Variants in LMAN1L observed in about 807,000 individuals in gnomAD.
LMAN1L encodes lectin, mannose binding 1 like.
In LMAN1L, 60 loss-of-function variants were observed where a neutral mutation model predicts 58.3. The ratio of observed to expected loss-of-function variants is 1.03; its 90% confidence interval spans 0.84 to 1.27. The LOEUF is 1.27. Among genes scored for constraint, LMAN1L ranks in the 50% most tolerant of loss-of-function variants. The pLI is 0.00. For missense variants in LMAN1L, 629 were observed against 674.0 expected (o/e 0.93, Z 0.74); for synonymous variants, 280 against 271.6 (o/e 1.03, Z -0.31).
At chr15:74,820,790 G>A in intron 8 of LMAN1L, 23 bp downstream of exon 8, 1 of 1,598,612 alleles carries the variant, frequency 6.3e-7, no homozygotes, top group Non-Finnish European at 8.5e-7. Flanking sequence ...AGAGCGGGCA[G>A]GTGGCGCCCA....
intron 1 of LMAN1L, among the ~76,000 whole-genome samples, chr15:74,815,093 C>T (rs2063884626): frequency 6.6e-6 from 1 of 152,218 alleles, no homozygotes; most frequent in South Asian, 2.1e-4. Context: ...TTCCTCTGTG[C>T]CCAGCCCAGA....
chr15:74,816,587 C>G (rs200794545), intron 3 of LMAN1L, 45 bp from the exon 4 acceptor site: 19 of 1,598,582 alleles, frequency 1.2e-5, no homozygotes, highest in South Asian at 5.6e-5. Context: ...CACCCTCCCC[C>G]TCCCGCCATG....
At chr15:74,820,413 T>C in intron 7 of LMAN1L, 1 of 655,136 alleles carries the variant, frequency 1.5e-6, no homozygotes, top group Non-Finnish European at 2.6e-6. Context: ...CTGGAGGAGA[T>C]GAGCTTAAAG....
At chr15:74,813,505 T>A in intron 1 of LMAN1L, 1 of 456,442 alleles carries the variant, frequency 2.2e-6, no homozygotes, top group Non-Finnish European at 4.4e-6. Context: ...CCCTTCCCTG[T>A]ATGTGTGTTG....
chr15:74,823,381 T>A (rs986967284), intron 11 of LMAN1L, among the ~76,000 whole-genome samples, 178 bp from the exon 12 acceptor site: 6 of 151,864 alleles, frequency 4.0e-5, no homozygotes, highest in Non-Finnish European at 8.8e-5. Context: ...TGAGCTAAAG[T>A]CTCAGGATCT....
rs753358635 is a variant in LMAN1L, at chr15:74,821,103, G to A, written c.936G>A (p.Thr312=). 3.4e-5 allele frequency: 53 copies of A among 1,574,000 alleles called. No homozygotes were observed. Among genetic ancestry groups the A allele is most frequent in the South Asian group, 2.4e-4 (21 of 85,734 alleles). The change falls in exon 9 of 14, where the codon ACG becomes ACA. Residue 312 remains threonine (T), a synonymous_variant. Transcript: ENST00000309664. ...EGERLFDLEE[T]LGRHRRILQA... ...AAAGGCTCTTTGACCTGGAGGAGAC[G>A]CTGGGCAGACACCGCCGGATCCTGC...
rs780457754 is a variant in LMAN1L at position 74,823,653 on chromosome 15, C to G, written c.1294C>G (p.Leu432Val). The change falls in exon 12 of 14, where the codon CTC (leucine) becomes GTC (valine). Residue 432 changes from leucine (L) to valine (V), a missense_variant. Physicochemically the swap from Leu to Val is conservative, Grantham distance 32. Around this residue, in one of 3 missense-constraint regions of LMAN1L, gnomAD observed 573 missense variants for 597.3 expected, o/e 0.96. Transcript: ENST00000309664. ...CTTAGAGCTGGACCACATCCTGGGC[C>G]TCCTGCAGGAGGAGCTTCGGGGCCC... is the stretch of plus-strand genomic sequence containing the variant. ...HFLELDHILG[L>V]LQEELRGPAK... 1.2e-5 allele frequency: 19 copies of G among 1,613,802 alleles called. No individual in the cohort carries two copies. In the South Asian group the frequency reaches 2.0e-4, roughly 17 times the overall value.
intron 1 of LMAN1L, chr15:74,813,562 C>T: frequency 2.4e-6 from 1 of 424,408 alleles, no homozygotes; most frequent in South Asian, 1.7e-5. Context: ...GGTTTGTATT[C>T]AGGGACTTCC....
intron 11 of LMAN1L, among the ~76,000 whole-genome samples, chr15:74,823,327 G>A (rs1305175682): frequency 2.0e-5 from 3 of 152,164 alleles, no homozygotes; most frequent in Admixed American, 6.5e-5. Flanking sequence ...GGCAGAGCCG[G>A]GGAGCCTGGG....
intron 1 of LMAN1L, 79 bp downstream of exon 1, chr15:74,813,108 G>GTCTGTCACAGCCATCC: frequency 6.9e-7 from 1 of 1,452,190 alleles, no homozygotes; most frequent in South Asian, 1.3e-5. Flanking sequence ...TGGGGAGTGG[G>GTCTGTCACAGCCATCC]TCTGTCACAG....
At chr15:74,819,429 G>A in intron 6 of LMAN1L, 157 bp downstream of exon 6, 9 of 932,178 alleles carry the variant, frequency 9.7e-6, no homozygotes, top group Non-Finnish European at 1.4e-5. Context: ...CTTGAGACTT[G>A]CAAGTCTCAA....
intron 12 of LMAN1L, 81 bp downstream of exon 12, chr15:74,823,763 G>T: frequency 6.5e-7 from 1 of 1,531,462 alleles, no homozygotes; most frequent in Admixed American, 1.8e-5. Flanking sequence ...CACTTCAGCA[G>T]CCCCAAGCCC....
intron 1 of LMAN1L, 52 bp from the exon 2 acceptor site, chr15:74,816,105 G>T: frequency 1.3e-6 from 2 of 1,518,832 alleles, no homozygotes; most frequent in Non-Finnish European, 1.8e-6. Context: ...AGAGAGTGAA[G>T]GGGGAGATGG....
rs187839682 is a variant in LMAN1L at position 74,813,809 on chromosome 15, C to T, written c.175+780C>T. On this transcript the variant is annotated intron_variant, in intron 1 of 13. Transcript: ENST00000309664. ...GGCAAAGCAAAGACAGAAAGCAGATCGGCTGTGGATTTCTGTCTATAAAAT... is the reference window on the plus strand; with the variant it reads ...GGCAAAGCAAAGACAGAAAGCAGATTGGCTGTGGATTTCTGTCTATAAAAT... Among the ~76,000 whole-genome samples the T allele has an allele frequency of 8.5e-5, 13 of 152,136 alleles. No homozygotes were observed. In the East Asian group the frequency reaches 1.3e-3, roughly 16 times the overall value.
chr15:74,823,766 C>G, intron 12 of LMAN1L, 84 bp downstream of exon 12: 1 of 1,523,042 alleles, frequency 6.6e-7, no homozygotes, highest in Admixed American at 1.8e-5. Context: ...TTCAGCAGCC[C>G]CAAGCCCTCC....
At chr15:74,816,028 C>A in intron 1 of LMAN1L, 129 bp from the exon 2 acceptor site, 1 of 1,186,526 alleles carries the variant, frequency 8.4e-7, no homozygotes, top group Non-Finnish European at 1.2e-6. Flanking sequence ...CCCTGGCTGG[C>A]CGCTTATTTA....
chr15:74,818,508 A>G (rs936512799), intron 4 of LMAN1L, among the ~76,000 whole-genome samples: 1 of 152,200 alleles, frequency 6.6e-6, no homozygotes, highest in Non-Finnish European at 1.5e-5. Context: ...AGCCTGACCA[A>G]CAATGTGAAA....
chr15:74,813,154 A>T, intron 1 of LMAN1L, 125 bp downstream of exon 1: 1 of 1,044,066 alleles, frequency 9.6e-7, no homozygotes, highest in Non-Finnish European at 1.4e-6. Flanking sequence ...GGCCTGGGAC[A>T]GTGCCAGGCA....
chr15:74,822,788 T>C lies in LMAN1L; in HGVS notation c.1199+79T>C. Reference sequence around the variant, plus strand: ...CTCCATTAGCCCTTCATTCCTTCCATCATTTCCTGAGCGCCCAGCACACAG... The same window carrying C: ...CTCCATTAGCCCTTCATTCCTTCCACCATTTCCTGAGCGCCCAGCACACAG... On this transcript the variant is annotated intron_variant, in intron 11 of 13. Transcript: ENST00000309664. 2.7e-6 allele frequency: 3 copies of C among 1,095,548 alleles called. No individual in the cohort carries two copies. The South Asian group carries it at 3.8e-5, about 14-fold the overall frequency. The allele number at this position is 1,095,548 out of a possible 1,614,324, so 67.9% of individuals were successfully genotyped here.
Sources: allele counts gnomAD v4.1 joint callset (sites outside exome capture counted in the v4.1 genomes callset), GRCh38; gene constraint gnomAD v4.1.1; regional missense constraint gnomAD v4.1.1; transcripts MANE v1.5; gene names NCBI Gene and HGNC (gene_info 2026-07-23, HGNC 2026-07-21).